The following TBC1D5 variants were observed in gnomAD, a reference collection of about 807,000 sequenced individuals.
TBC1D5 encodes TBC1 domain family, member 5.
Under a neutral mutation model 100.3 loss-of-function variants are expected in TBC1D5, and 75 were observed. The ratio of observed to expected loss-of-function variants is 0.75; its 90% CI spans 0.62 to 0.91. The LOEUF is 0.91. Among genes scored for constraint, TBC1D5 ranks in the 40% least tolerant of loss-of-function variants. The pLI, the probability that TBC1D5 is intolerant of heterozygous loss-of-function variation, is 0.00. For synonymous variants in TBC1D5, 323 were observed against 325.6 expected (o/e 0.99, Z 0.09); for missense variants, 910 against 942.4 (o/e 0.97, Z 0.45).
chr3:17,628,953 G>A (rs1260486981), intron 1 of TBC1D5, among the ~76,000 whole-genome samples: 3 of 152,190 alleles, frequency 2.0e-5, no homozygotes, highest in Admixed American at 1.3e-4. Flanking sequence ...ACAGCACACG[G>A]AGTGTAAAAC....
chr3:17,217,892 T>C (rs2073841417), intron 17 of TBC1D5, among the ~76,000 whole-genome samples: 1 of 152,056 alleles, frequency 6.6e-6, no homozygotes, highest in Non-Finnish European at 1.5e-5. Flanking sequence ...ATTTTTTCTT[T>C]TGTTGCTTGT....
intron 1 of TBC1D5, among the ~76,000 whole-genome samples, chr3:17,633,406 A>G (rs1307914615): frequency 1.3e-5 from 2 of 152,180 alleles, no homozygotes; most frequent in Non-Finnish European, 2.9e-5. Flanking sequence ...ACTGCACTAC[A>G]GCCCGCTCCA....
chr3:17,659,463 T>G (rs2066439392), intron 1 of TBC1D5, among the ~76,000 whole-genome samples: 1 of 152,010 alleles, frequency 6.6e-6, no homozygotes, highest in Non-Finnish European at 1.5e-5. Context: ...ATGCCTTGTT[T>G]TTTAATCCTA....
At chr3:17,586,491 G>C (rs546262729) in intron 2 of TBC1D5, 1 of 152,038 alleles carries the variant, frequency 6.6e-6, no homozygotes, top group Non-Finnish European at 1.5e-5. Context: ...AGAAATTGAA[G>C]AGGAATCAAG....
At chr3:17,534,550 A>G (rs1199592293) in intron 2 of TBC1D5, among the ~76,000 whole-genome samples, 1 of 152,120 alleles carries the variant, frequency 6.6e-6, no homozygotes, top group African/African-American at 2.4e-5. Context: ...GTTTTCTCTA[A>G]CACTTCACAA....
At chr3:17,562,806 C>T (rs984322275) in intron 2 of TBC1D5, among the ~76,000 whole-genome samples, 5 of 152,204 alleles carry the variant, frequency 3.3e-5, no homozygotes, top group East Asian at 1.9e-4. Context: ...ATAATCAATA[C>T]ATCTAATGCA....
chr3:17,474,592 G>A (rs2095416308), intron 3 of TBC1D5, among the ~76,000 whole-genome samples: 1 of 151,990 alleles, frequency 6.6e-6, no homozygotes, highest in Non-Finnish European at 1.5e-5. Flanking sequence ...AATAAAGAAC[G>A]ACTCCAATCT....
At chr3:17,392,736 T>G (rs895330231) in intron 8 of TBC1D5, among the ~76,000 whole-genome samples, 1 of 152,308 alleles carries the variant, frequency 6.6e-6, no homozygotes, top group East Asian at 1.9e-4. Flanking sequence ...GGTGTATATG[T>G]GCCACATTTT....
At chr3:17,407,868 C>T (rs989485373) in intron 4 of TBC1D5, among the ~76,000 whole-genome samples, 1 of 152,118 alleles carries the variant, frequency 6.6e-6, no homozygotes, top group South Asian at 2.1e-4. Flanking sequence ...TCTATCACCA[C>T]TCCACAAAAA....
At chr3:17,249,318 A>G (rs1227567820) in intron 16 of TBC1D5, among the ~76,000 whole-genome samples, 1 of 152,208 alleles carries the variant, frequency 6.6e-6, no homozygotes, top group East Asian at 1.9e-4. Context: ...ACTAAGCTTC[A>G]ACATTTCCAG....
chr3:17,279,786 C>T (rs987319142), intron 15 of TBC1D5, among the ~76,000 whole-genome samples: 3 of 152,328 alleles, frequency 2.0e-5, no homozygotes, highest in South Asian at 2.1e-4. Flanking sequence ...GATCTATTTA[C>T]ATTAGAATAT....
At chr3:17,378,546 T>C (rs780774142) in intron 9 of TBC1D5, among the ~76,000 whole-genome samples, 3 of 151,934 alleles carry the variant, frequency 2.0e-5, no homozygotes, top group African/African-American at 4.8e-5. Context: ...TCCTTGGTGA[T>C]GTCTAATAGT....
chr3:17,496,087 C>A (rs910788874), intron 3 of TBC1D5, among the ~76,000 whole-genome samples: 1 of 152,176 alleles, frequency 6.6e-6, no homozygotes, highest in South Asian at 2.1e-4. Flanking sequence ...AACAGCTCTA[C>A]CACAAAATCA....
rs567386307 is a variant in TBC1D5, at chr3:17,563,056, G to A, written c.-35-54451C>T. On this transcript the variant is annotated intron_variant, in intron 2 of 21. Transcript: ENST00000253692. ...TAAACAAATCCGTAAGTATATCACA[G>A]TTATGTAAATGATGAGGGGATATTT... 2.6e-5 allele frequency among the ~76,000 whole-genome samples: 4 copies of A among 152,338 alleles called. No homozygotes were observed. The East Asian group carries it at 5.8e-4, about 22-fold the overall frequency.
intron 3 of TBC1D5, among the ~76,000 whole-genome samples, chr3:17,438,555 A>G (rs988943240): frequency 3.9e-5 from 6 of 152,182 alleles, no homozygotes; most frequent in Non-Finnish European, 5.9e-5. Flanking sequence ...GAAGAAGGAC[A>G]TGTTTGCTTT....
chr3:17,456,373 T>C (rs1241677613), intron 3 of TBC1D5, among the ~76,000 whole-genome samples: 1 of 152,142 alleles, frequency 6.6e-6, no homozygotes, highest in Non-Finnish European at 1.5e-5. Flanking sequence ...AGCCACATAA[T>C]AGGAGAAAAT....
intron 1 of TBC1D5, among the ~76,000 whole-genome samples, chr3:17,722,052 C>T (rs879687910): frequency 1.3e-5 from 2 of 152,150 alleles, no homozygotes; most frequent in Non-Finnish European, 2.9e-5. Context: ...GAGCAACATA[C>T]ACAACCAACG....
chr3:17,683,277 A>G (rs766692256), intron 1 of TBC1D5, among the ~76,000 whole-genome samples: 44 of 151,344 alleles, frequency 2.9e-4, no homozygotes, highest in Non-Finnish European at 5.3e-4. Flanking sequence ...GACCCTGATA[A>G]CATTATTTTT....
At chr3:17,673,466 A>G (rs2068221144) in intron 1 of TBC1D5, among the ~76,000 whole-genome samples, 1 of 147,036 alleles carries the variant, frequency 6.8e-6, no homozygotes, top group African/African-American at 2.5e-5. Context: ...ATGTGCCACC[A>G]TGCCCAGATA....
Sources: allele counts gnomAD v4.1 joint callset (sites outside exome capture counted in the v4.1 genomes callset), GRCh38; gene constraint gnomAD v4.1.1; transcripts MANE v1.5; gene names NCBI Gene and HGNC (gene_info 2026-07-23, HGNC 2026-07-21).